NDEL1: variants seen among roughly 807,000 people sequenced by gnomAD.
NDEL1 encodes the protein nuclear distribution protein nudE-like 1.
Under a neutral mutation model 45.7 loss-of-function variants are expected in NDEL1, and 9 were observed. The ratio of observed to expected loss-of-function variants is 0.20; its 90% CI spans 0.12 to 0.34. The LOEUF (loss-of-function observed/expected upper bound fraction) is 0.34, where lower values mean the gene tolerates loss of function less well. Ranked by LOEUF, NDEL1 falls within the 10% of genes least tolerant of loss-of-function variation. The pLI is 1.00. For synonymous variants in NDEL1, 133 were observed against 158.6 expected (o/e 0.84, Z 1.21); for missense variants, 306 against 406.2 (o/e 0.75, Z 2.12).
At chr17:8,472,893 G>A (rs191189419), downstream of NDEL1, among the ~76,000 whole-genome samples, 27 of 152,186 alleles carry the variant, frequency 1.8e-4, 2 homozygotes, top group East Asian at 5.0e-3. Flanking sequence ...CCTCCTCACC[G>A]GGAACCACAC....
At chr17:8,414,823 C>T (rs1349195053) in intron 1 of NDEL1, among the ~76,000 whole-genome samples, 4 of 151,766 alleles carry the variant, frequency 2.6e-5, no homozygotes, top group Non-Finnish European at 5.9e-5. Context: ...CCTTCATTTG[C>T]TTAGTTTTTA....
In NDEL1 at chr17:8,447,329, G is replaced by C. The variant is rs559894992; in HGVS notation, c.389+427G>C. Among the ~76,000 whole-genome samples the C allele has an allele frequency of 1.8e-3, 281 of 152,300 alleles. 1 individual carries two copies. Among genetic ancestry groups the C allele is most frequent in the African/African-American group, 6.5e-3 (270 of 41,560 alleles). ...AGCTAATTTTTGTATTTTTAGTAGA[G>C]ACGGGGTTTTGCCATGTTGGCCAGG... On this transcript the variant is annotated intron_variant, in intron 4 of 8. Transcript: ENST00000334527.
chr17:8,446,924 G>A (rs1270297555), intron 4 of NDEL1, 22 bp downstream of exon 4: 7 of 1,608,232 alleles, frequency 4.4e-6, no homozygotes, highest in Admixed American at 1.7e-5. Flanking sequence ...ACTGCATTTT[G>A]TTAGAAAAAA....
chr17:8,474,117 TGGCG>T, intron 3 of NDEL1: 1 of 152,586 alleles, frequency 6.6e-6, no homozygotes, highest in Non-Finnish European at 1.5e-5. Flanking sequence ...AAAAAGGGCC[TGGCG>T]CCATCATTTG....
intron 5 of NDEL1, among the ~76,000 whole-genome samples, chr17:8,449,758 C>T (rs1910350659): frequency 6.6e-6 from 1 of 151,946 alleles, no homozygotes; most frequent in Admixed American, 6.6e-5. Context: ...TGTATGTATT[C>T]ATTTTCTTTA....
chr17:8,462,404 G>A (rs1313471037), intron 8 of NDEL1, among the ~76,000 whole-genome samples: 4 of 152,110 alleles, frequency 2.6e-5, no homozygotes, highest in Non-Finnish European at 4.4e-5. Flanking sequence ...CTCTTTTGTG[G>A]GTTTTGCTGT....
intron 6 of NDEL1, among the ~76,000 whole-genome samples, chr17:8,452,710 C>T (rs1910586418): frequency 2.1e-5 from 3 of 141,998 alleles, no homozygotes; most frequent in Non-Finnish European, 1.5e-5. Flanking sequence ...TTTCTTTCTT[C>T]CTTTCTTTCT....
intron 7 of NDEL1, among the ~76,000 whole-genome samples, chr17:8,459,357 TGTG>T (rs987840935): frequency 6.6e-5 from 10 of 152,180 alleles, no homozygotes; most frequent in African/African-American, 1.7e-4. Context: ...TGCCAGGTGT[TGTG>T]GTGACAGGTG....
At chr17:8,455,230 G>A (rs531794273) in intron 7 of NDEL1, among the ~76,000 whole-genome samples, 10 of 152,278 alleles carry the variant, frequency 6.6e-5, no homozygotes, top group East Asian at 3.9e-4. Context: ...GCTGTCTACC[G>A]TCTTCCTGGT....
downstream of NDEL1, among the ~76,000 whole-genome samples, chr17:8,469,541 C>T (rs1911782428): frequency 2.6e-5 from 4 of 152,316 alleles, no homozygotes; most frequent in South Asian, 8.3e-4. Context: ...GTCACCACTG[C>T]TGTGGGTCCA....
rs1164815486 is a variant in NDEL1, at chr17:8,446,740, A to G, written c.241-14A>G. On this transcript the variant is annotated splice_polypyrimidine_tract_variant and intron_variant, in intron 3 of 8. Transcript: ENST00000334527. ...ATATTAATGACATGTACTTTCCTATACTGATGCCCTCAGGAGAAGCTAGAG... is the reference window on the plus strand; with the variant it reads ...ATATTAATGACATGTACTTTCCTATGCTGATGCCCTCAGGAGAAGCTAGAG... 3 of 1,613,774 alleles carry G rather than the reference A, an allele frequency of 1.9e-6. No individual in the cohort carries two copies. Among genetic ancestry groups the G allele is most frequent in the Non-Finnish European group, 2.5e-6 (3 of 1,179,940 alleles).
chr17:8,429,266 ATTCT>A (rs1209330172), intron 1 of NDEL1, among the ~76,000 whole-genome samples: 1 of 152,202 alleles, frequency 6.6e-6, no homozygotes, highest in Admixed American at 6.5e-5. Flanking sequence ...CCATTGGTTC[ATTCT>A]TTCACTTTCG....
intron 1 of NDEL1, among the ~76,000 whole-genome samples, chr17:8,428,950 GGC>G (rs1908934778): frequency 6.6e-6 from 1 of 152,204 alleles, no homozygotes; most frequent in Non-Finnish European, 1.5e-5. Flanking sequence ...TGGGATTACA[GGC>G]ATGAGCCACC....
chr17:8,462,781 G>A (rs1433786561), intron 8 of NDEL1: 1 of 152,388 alleles, frequency 6.6e-6, no homozygotes, highest in Non-Finnish European at 1.5e-5. Context: ...GGATTGTTTG[G>A]GGGAGAGACA....
Position 8,467,061 on chromosome 17 carries a change from A to G in NDEL1, c.*38A>G, listed in dbSNP as rs778780335. 20 of 1,604,388 alleles carry G rather than the reference A, an allele frequency of 1.2e-5. No homozygotes were observed. The highest frequency in any genetic ancestry group is 1.7e-5 in the Non-Finnish European group (20 of 1,172,114). ...CAGGTGGGGGCTCCTGCCCTCCTCC[A>G]ACAACCCAGGACACCCACGCCTCAC... On this transcript the variant is annotated 3_prime_UTR_variant, in exon 9 of 9. Transcript: ENST00000334527. This position sits in a 1 kb window ranked among gnomAD's most constrained non-coding sequence, Gnocchi z 6.3.
chr17:8,469,249 T>A (rs773215260), downstream of NDEL1, among the ~76,000 whole-genome samples: 1 of 152,084 alleles, frequency 6.6e-6, no homozygotes, highest in Non-Finnish European at 1.5e-5. Context: ...CAGCCCTCAT[T>A]GGAAGGATTG....
chr17:8,423,213 C>A (rs1908746836), intron 1 of NDEL1, among the ~76,000 whole-genome samples: 1 of 152,122 alleles, frequency 6.6e-6, no homozygotes, highest in African/African-American at 2.4e-5. Flanking sequence ...AAGTGACCCC[C>A]CCTAGAGAAG....
intron 1 of NDEL1, among the ~76,000 whole-genome samples, chr17:8,428,326 GT>G (rs61655291): frequency 0.5 from 64,254 of 127,712 alleles, 17,527 homozygotes; most frequent in South Asian, 0.63. Context: ...TGTGTGTGGT[GT>G]GTGTGTGTGT....
chr17:8,450,288 C>CAAA (rs5819194), intron 5 of NDEL1, among the ~76,000 whole-genome samples: 5 of 115,664 alleles, frequency 4.3e-5, no homozygotes, highest in Non-Finnish European at 5.5e-5. Context: ...GACTCCGTCT[C>CAAA]AAAAAAAAAA....
Sources: allele counts gnomAD v4.1 joint callset (sites outside exome capture counted in the v4.1 genomes callset), GRCh38; gene constraint gnomAD v4.1.1; non-coding constraint Gnocchi (gnomAD v3.1); transcripts MANE v1.5; gene names NCBI Gene and HGNC (gene_info 2026-07-23, HGNC 2026-07-21).